The following ZNF454 variants were observed in gnomAD, a reference collection of about 807,000 sequenced individuals.
ZNF454 encodes the protein zinc finger protein 454.
Under a neutral mutation model 48.2 loss-of-function variants are expected in ZNF454, and 30 were observed. That is an observed-to-expected ratio of 0.62 (90% CI 0.47 to 0.84). The LOEUF (loss-of-function observed/expected upper bound fraction) is 0.84, where lower values mean the gene tolerates loss of function less well. Among genes scored for constraint, ZNF454 ranks in the 40% least tolerant of loss-of-function variants. The pLI is 0.00. For missense variants in ZNF454, 510 were observed against 623.1 expected, an observed-to-expected ratio of 0.82 and a Z score of 1.93; for synonymous variants, 204 against 211.4, an observed-to-expected ratio of 0.97 and a Z score of 0.30.
At chr5:178,964,629 A>C (rs199951515) in intron 4 of ZNF454, 26 bp from the exon 5 acceptor site, 33 of 1,574,140 alleles carry the variant, frequency 2.1e-5, no homozygotes, top group African/African-American at 2.7e-5. Context: ...GGTAAAACAG[A>C]CATTTTTATT....
chr5:178,986,173 G>A, the ZNF454 span: 6 of 1,613,846 alleles, frequency 3.7e-6, no homozygotes, highest in East Asian at 2.2e-5. Flanking sequence ...CTGTGAGGTG[G>A]GGCTGATGAA....
At chr5:178,972,058 CTAG>C in the ZNF454 span, among the ~76,000 whole-genome samples, 1 of 152,002 alleles carries the variant, frequency 6.6e-6, no homozygotes, top group African/African-American at 2.4e-5. Context: ...TTCAGCCTCC[CTAG>C]TAGTTGGGAT....
At chr5:178,985,196 T>C in the ZNF454 span, 1 of 448,368 alleles carries the variant, frequency 2.2e-6, no homozygotes, top group Non-Finnish European at 4.5e-6. Context: ...ACCGGTCAGA[T>C]AGCTCTTTGA....
chr5:178,985,888 A>T, the ZNF454 span: 1 of 568,296 alleles, frequency 1.8e-6, no homozygotes, highest in East Asian at 3.1e-5. Flanking sequence ...CAGCCTCCCA[A>T]GTAGCTAGGA....
chr5:178,960,163 C>A (rs1286304410), intron 4 of ZNF454, among the ~76,000 whole-genome samples: 1 of 151,506 alleles, frequency 6.6e-6, no homozygotes, highest in Non-Finnish European at 1.5e-5. Flanking sequence ...ATTGCCCAGT[C>A]AGGTCTTGGA....
chr5:178,971,937 G>A, the ZNF454 span, among the ~76,000 whole-genome samples: 4 of 151,850 alleles, frequency 2.6e-5, no homozygotes, highest in Non-Finnish European at 4.4e-5. Context: ...TTGTTTGTTT[G>A]TTTGTTTGTT....
Position 178,965,019 on chromosome 5 carries a change from A to T in ZNF454, c.615A>T (p.Ala205=), listed in dbSNP as rs1760101319. The T allele has an allele frequency of 1.2e-6, 2 of 1,613,922 alleles. No individual in the cohort carries two copies. The highest frequency in any genetic ancestry group is 1.7e-6 in the Non-Finnish European group (2 of 1,179,978). Residue 205 remains alanine, a synonymous_variant, in exon 5 of 5, where the codon GCA becomes GCT. Transcript: ENST00000519564. The surrounding 1 kb of genome is among the most constrained non-coding windows in gnomAD (Gnocchi z 5.2). ...KHQKIHNEKN[A]NQKIHIKEKR... The stretch of plus-strand genomic sequence containing the variant: ...AGAAAATTCATAATGAAAAAAATGC[A>T]AATCAGAAAATTCATATTAAGGAGA...
intron 4 of ZNF454, among the ~76,000 whole-genome samples, chr5:178,954,810 C>G (rs1759685947): frequency 6.6e-6 from 1 of 152,204 alleles, no homozygotes; most frequent in Admixed American, 6.5e-5. Flanking sequence ...TGGAGTTGCC[C>G]AGTGCGTGCT....
chr5:178,946,324 G>A lies in ZNF454; in HGVS notation c.34-35G>A. 2.5e-6 allele frequency: 4 copies of A among 1,609,398 alleles called. No homozygotes were observed. Among genetic ancestry groups the A allele is most frequent in the African/African-American group, 1.3e-5 (1 of 74,798 alleles). The stretch of plus-strand genomic sequence containing the variant: ...TTCCAGAGAACCATGTGCAGGGGTA[G>A]CCCCTGGTCAAGGAGAATGAATTTG... On this transcript the variant is annotated intron_variant, in intron 2 of 4. Transcript: ENST00000519564. This position sits in a 1 kb window ranked among gnomAD's most constrained non-coding sequence, Gnocchi z 4.5.
the ZNF454 span, among the ~76,000 whole-genome samples, chr5:178,985,436 G>A: frequency 2.1e-4 from 32 of 151,524 alleles, no homozygotes; most frequent in Non-Finnish European, 1.0e-4. Flanking sequence ...GGGCGCAGCG[G>A]CTCCCGCCTG....
rs1412483959 is a variant in ZNF454 at position 178,946,596 on chromosome 5, A to G, written c.160+111A>G. ...GGACCAACTGAGGACGCTGTCTTCA[A>G]GGGTGCCATTAATTTTACCTGTCCT... On this transcript the variant is annotated intron_variant, in intron 3 of 4. Transcript: ENST00000519564. This position sits in a 1 kb window ranked among gnomAD's most constrained non-coding sequence, Gnocchi z 4.5. 3.5e-6 allele frequency: 5 copies of G among 1,410,010 alleles called. No homozygotes were observed. Among genetic ancestry groups the G allele is most frequent in the Non-Finnish European group, 9.5e-7 (1 of 1,049,446 alleles). The allele number at this position is 1,410,010 out of a possible 1,614,324, so 87.3% of individuals were successfully genotyped here.
the ZNF454 span, chr5:178,983,231 C>A: frequency 8.1e-6 from 13 of 1,607,280 alleles, no homozygotes; most frequent in Non-Finnish European, 1.1e-5. Flanking sequence ...CCTGCAGGAG[C>A]CAACACTGCA....
At chr5:178,968,506 A>C (rs1581885716), downstream of ZNF454, among the ~76,000 whole-genome samples, 1 of 152,338 alleles carries the variant, frequency 6.6e-6, no homozygotes, top group East Asian at 1.9e-4. Flanking sequence ...TTAGCTGATC[A>C]GCAACTCAGA....
chr5:178,958,795 ATCT>A (rs1423844815), intron 4 of ZNF454, among the ~76,000 whole-genome samples: 1 of 152,166 alleles, frequency 6.6e-6, no homozygotes, highest in Admixed American at 6.5e-5. Flanking sequence ...ACTGAAGTTG[ATCT>A]TCTTACTTTT....
chr5:178,961,177 C>T (rs1381446736), intron 4 of ZNF454, among the ~76,000 whole-genome samples: 3 of 151,558 alleles, frequency 2.0e-5, no homozygotes, highest in African/African-American at 4.8e-5. Context: ...GATCTGTCCG[C>T]CTCAGCCTCC....
rs1400571475 is a variant in ZNF454, at chr5:178,965,167, G to A, written c.763G>A (p.Val255Met). 1 of 1,614,206 alleles carries A rather than the reference G, an allele frequency of 6.2e-7. No individual in the cohort carries two copies. The highest frequency in any genetic ancestry group is 1.1e-5 in the South Asian group (1 of 91,078). The change falls in exon 5 of 5, where the codon GTG (valine) becomes ATG (methionine). Residue 255 changes from valine to methionine, a missense_variant. This residue lies in a region of ZNF454 where 354 missense variants were observed against 408.9 expected (regional missense o/e 0.87). Coordinates refer to ENST00000519564, the MANE Select transcript of ZNF454 (RefSeq NM_001178089.3). This position sits in a 1 kb window ranked among gnomAD's most constrained non-coding sequence, Gnocchi z 5.2. The part of the protein sequence containing the change: ...ECKECGKAFS[V>M]SSSLTYHQKI... ...TAAGGAATGTGGCAAGGCCTTCTCA[G>A]TGAGCTCCTCACTTACGTACCATCA...
chr5:178,953,223 C>A (rs754448412), intron 4 of ZNF454, among the ~76,000 whole-genome samples: 3 of 151,992 alleles, frequency 2.0e-5, no homozygotes, highest in Non-Finnish European at 4.4e-5. Context: ...GATTTCCATT[C>A]GCTGTCCTCT....
chr5:178,945,022 G>A (rs1759254269), intron 2 of ZNF454, among the ~76,000 whole-genome samples: 1 of 149,512 alleles, frequency 6.7e-6, no homozygotes, highest in South Asian at 2.1e-4. Flanking sequence ...ATGTGCACAC[G>A]TGTGCATGTG....
chr5:178,978,427 T>A, the ZNF454 span: 2 of 152,148 alleles, frequency 1.3e-5, no homozygotes, highest in African/African-American at 4.8e-5. Context: ...TAAAGGGAAA[T>A]TTCTAAAGAG....
Sources: allele counts gnomAD v4.1 joint callset (sites outside exome capture counted in the v4.1 genomes callset), GRCh38; gene constraint gnomAD v4.1.1; regional missense constraint gnomAD v4.1.1; non-coding constraint Gnocchi (gnomAD v3.1); transcripts MANE v1.5; gene names NCBI Gene and HGNC (gene_info 2026-07-23, HGNC 2026-07-21).